The following CDK6 variants were observed in gnomAD, a reference collection of about 807,000 sequenced individuals.
CDK6 encodes cyclin-dependent kinase 6.
A neutral mutation model predicts 37.1 loss-of-function variants in CDK6; 6 were observed. The observed-to-expected ratio is 0.16, with a 90% CI of 0.09 to 0.32. The LOEUF is 0.32. Among genes scored for constraint, CDK6 ranks in the 10% least tolerant of loss-of-function variants. The pLI is 1.00. For missense variants in CDK6, 224 were observed against 418.9 expected (o/e 0.53, Z 4.06); for synonymous variants, 160 against 161.3 (o/e 0.99, Z 0.06).
intron 5 of CDK6, among the ~76,000 whole-genome samples, chr7:92,649,497 G>A (rs1361622685): frequency 2.6e-5 from 4 of 152,096 alleles, no homozygotes; most frequent in East Asian, 3.9e-4. Flanking sequence ...CAAGGAGCCC[G>A]AATGCCCCAA....
chr7:92,821,204 T>G (rs964723084), intron 2 of CDK6, among the ~76,000 whole-genome samples: 1 of 152,084 alleles, frequency 6.6e-6, no homozygotes, highest in African/African-American at 2.4e-5. Flanking sequence ...CTGGTGTAGG[T>G]CAGTGTAGGT....
intron 2 of CDK6, among the ~76,000 whole-genome samples, chr7:92,778,184 C>A (rs1799897547): frequency 6.6e-6 from 1 of 151,886 alleles, no homozygotes; most frequent in South Asian, 2.1e-4. Context: ...AAAAACAGAA[C>A]ACCAACAACT....
chr7:92,794,719 G>C (rs1029787829), intron 2 of CDK6, among the ~76,000 whole-genome samples: 3 of 151,992 alleles, frequency 2.0e-5, no homozygotes, highest in Non-Finnish European at 4.4e-5. Context: ...GACTCATTGG[G>C]GGTGCTCAGC....
chr7:92,714,369 ATAG>A (rs1798171947), intron 4 of CDK6, among the ~76,000 whole-genome samples: 1 of 152,226 alleles, frequency 6.6e-6, no homozygotes, highest in African/African-American at 2.4e-5. Flanking sequence ...TAGCAAGATC[ATAG>A]GGTGTGTGGA....
At chr7:92,790,114 G>A (rs1164217530) in intron 2 of CDK6, among the ~76,000 whole-genome samples, 1 of 152,118 alleles carries the variant, frequency 6.6e-6, no homozygotes, top group Non-Finnish European at 1.5e-5. Flanking sequence ...GTTATCTCTT[G>A]GACAACTTCA....
intron 5 of CDK6, among the ~76,000 whole-genome samples, chr7:92,669,840 G>T (rs540752964): frequency 2.0e-5 from 3 of 152,320 alleles, no homozygotes; most frequent in African/African-American, 7.2e-5. Context: ...TATCCTGGAG[G>T]CTGTATTAGG....
chr7:92,663,327 A>G (rs1230703852), intron 5 of CDK6, among the ~76,000 whole-genome samples: 1 of 152,184 alleles, frequency 6.6e-6, no homozygotes, highest in Admixed American at 6.5e-5. Flanking sequence ...CCACAGGGAA[A>G]GGCCAGGTCT....
At chr7:92,794,623 TCACA>T (rs1160402869) in intron 2 of CDK6, among the ~76,000 whole-genome samples, 1 of 152,074 alleles carries the variant, frequency 6.6e-6, no homozygotes, top group East Asian at 1.9e-4. Context: ...AAGATTATGC[TCACA>T]CATTCTCCAT....
intron 5 of CDK6, among the ~76,000 whole-genome samples, chr7:92,648,610 T>C (rs1052715626): frequency 5.3e-5 from 8 of 152,178 alleles, no homozygotes; most frequent in Non-Finnish European, 1.2e-4. Context: ...TGGCTGAAAC[T>C]ACAAATTATT....
chr7:92,728,423 T>C (rs1247504818), intron 3 of CDK6, among the ~76,000 whole-genome samples: 1 of 152,210 alleles, frequency 6.6e-6, no homozygotes, highest in African/African-American at 2.4e-5. Flanking sequence ...CATGTAACAA[T>C]TCATTATCAA....
intron 3 of CDK6, among the ~76,000 whole-genome samples, chr7:92,772,705 G>C (rs538433781): frequency 6.6e-5 from 10 of 151,294 alleles, no homozygotes; most frequent in Non-Finnish European, 1.5e-4. Flanking sequence ...TTCCTATCCT[G>C]CTTGCCCCTC....
chr7:92,820,124 G>A (rs1801136117), intron 2 of CDK6, among the ~76,000 whole-genome samples: 1 of 151,674 alleles, frequency 6.6e-6, no homozygotes, highest in Non-Finnish European at 1.5e-5. Context: ...AGGCAAACAT[G>A]GCAAGAAAAA....
intron 4 of CDK6, 35 bp downstream of exon 4, chr7:92,725,591 T>C: frequency 6.3e-7 from 1 of 1,582,022 alleles, no homozygotes; most frequent in Non-Finnish European, 8.6e-7. Flanking sequence ...ATAGGAAAAA[T>C]AAGTTTAATA....
At chr7:92,648,108 T>C (rs938322982) in intron 5 of CDK6, among the ~76,000 whole-genome samples, 2 of 152,148 alleles carry the variant, frequency 1.3e-5, no homozygotes, top group African/African-American at 4.8e-5. Context: ...GGTATGTGTG[T>C]GTGTAAGTGT....
chr7:92,819,376 G>T (rs1801113258), intron 2 of CDK6, among the ~76,000 whole-genome samples: 1 of 152,032 alleles, frequency 6.6e-6, no homozygotes, highest in Admixed American at 6.6e-5. Flanking sequence ...GGTTGGCAGG[G>T]GTCCTGGTAG....
chr7:92,615,248 G>C lies in CDK6; in HGVS notation c.873C>G (p.Ala291=), dbSNP rs1232015481. 1 of 1,613,964 alleles carries C rather than the reference G, an allele frequency of 6.2e-7. No individual in the cohort carries two copies. The highest frequency in any genetic ancestry group is 1.1e-5 in the South Asian group (1 of 91,074). ...LTFNPAKRIS[A]YSALSHPYFQ... ...AGTATGGGTGAGACAGGGCACTGTA[G>C]GCAGATATTCTTTTGGCTGGGTTAA... The change falls in exon 8 of 8, where the codon GCC becomes GCG. Residue 291 remains alanine (A), a synonymous_variant. Coordinates refer to ENST00000424848, the MANE Select transcript of CDK6 (RefSeq NM_001145306.2).
chr7:92,750,390 G>A (rs1177488368), intron 3 of CDK6, among the ~76,000 whole-genome samples: 1 of 152,078 alleles, frequency 6.6e-6, no homozygotes, highest in South Asian at 2.1e-4. Flanking sequence ...ATACCTTCAG[G>A]ACTCTAAAAT....
At chr7:92,823,285 G>C (rs545449628) in intron 2 of CDK6, among the ~76,000 whole-genome samples, 9 of 151,566 alleles carry the variant, frequency 5.9e-5, no homozygotes, top group Middle Eastern at 3.4e-3. Flanking sequence ...CTGTGAAACA[G>C]ACTTCTTCCC....
intron 2 of CDK6, among the ~76,000 whole-genome samples, chr7:92,813,382 G>A (rs1457882204): frequency 2.0e-5 from 3 of 152,100 alleles, no homozygotes; most frequent in Non-Finnish European, 4.4e-5. Context: ...AGTTGGTTTT[G>A]TTCCCTAACT....
Sources: allele counts gnomAD v4.1 joint callset (sites outside exome capture counted in the v4.1 genomes callset), GRCh38; gene constraint gnomAD v4.1.1; transcripts MANE v1.5; gene names NCBI Gene and HGNC (gene_info 2026-07-23, HGNC 2026-07-21).